The following DCC variants were observed in gnomAD, a reference collection of about 807,000 sequenced individuals.
DCC encodes netrin receptor DCC.
DCC carries 58 observed loss-of-function variants against 172.5 expected under a neutral mutation model. The ratio of observed to expected loss-of-function variants is 0.34; its 90% CI spans 0.27 to 0.42. DCC has a LOEUF of 0.42. Among genes scored for constraint, DCC ranks in the 10% least tolerant of loss-of-function variants. The pLI, the probability that DCC is intolerant of heterozygous loss-of-function variation, is 1.00. For synonymous variants in DCC, 709 were observed against 644.5 expected, an observed-to-expected ratio of 1.10 and a Z score of -1.52; for missense variants, 1,740 against 1,791.0, an observed-to-expected ratio of 0.97 and a Z score of 0.51.
At chr18:52,841,553 G>T (rs2038807597) in intron 2 of DCC, among the ~76,000 whole-genome samples, 3 of 152,154 alleles carry the variant, frequency 2.0e-5, no homozygotes, top group Admixed American at 2.0e-4. Flanking sequence ...AAGTGACAAT[G>T]AACTGGGATG....
intron 1 of DCC, among the ~76,000 whole-genome samples, chr18:52,391,972 G>C (rs1380630248): frequency 2.0e-5 from 3 of 152,174 alleles, no homozygotes; most frequent in Non-Finnish European, 4.4e-5. Context: ...AAAGCTGCCA[G>C]TGTAGCGCTA....
intron 1 of DCC, among the ~76,000 whole-genome samples, chr18:52,515,624 A>AAAAAAAAAAAAAAAAAC (rs1386143652): frequency 7.0e-6 from 1 of 141,958 alleles, no homozygotes; most frequent in Non-Finnish European, 1.5e-5. Context: ...AAAAAAAAAA[A>AAAAAAAAAAAAAAAAAC]AATCATACAG....
chr18:52,635,235 CA>C (rs1464832789), intron 1 of DCC, among the ~76,000 whole-genome samples: 1 of 152,188 alleles, frequency 6.6e-6, no homozygotes, highest in Admixed American at 6.5e-5. Context: ...CCAAGAAACT[CA>C]AAAATCTCTG....
intron 2 of DCC, among the ~76,000 whole-genome samples, chr18:52,874,796 A>G (rs181888472): frequency 8.5e-5 from 13 of 152,324 alleles, no homozygotes; most frequent in African/African-American, 2.9e-4. Flanking sequence ...AAGGCAGGGC[A>G]CACTACACAG....
At chr18:53,217,224 A>ACGGAATT (rs2055864972) in intron 12 of DCC, among the ~76,000 whole-genome samples, 1 of 151,288 alleles carries the variant, frequency 6.6e-6, no homozygotes, top group African/African-American at 2.4e-5. Context: ...TTTACTGAAG[A>ACGGAATT]CGGAATTCCT....
intron 1 of DCC, among the ~76,000 whole-genome samples, chr18:52,719,610 CA>C (rs34309683): frequency 1.3e-3 from 189 of 145,958 alleles, no homozygotes; most frequent in African/African-American, 4.5e-3. Flanking sequence ...ATCTAAGGAA[CA>C]AAAAAAAAAA....
chr18:52,820,000 G>T (rs150780757), intron 2 of DCC, among the ~76,000 whole-genome samples: 8 of 152,114 alleles, frequency 5.3e-5, no homozygotes, highest in African/African-American at 1.7e-4. Context: ...GATTACAGGC[G>T]TGAGCCACCA....
intron 5 of DCC, among the ~76,000 whole-genome samples, chr18:52,981,399 C>T (rs1170361079): frequency 3.3e-5 from 5 of 152,080 alleles, no homozygotes; most frequent in African/African-American, 1.2e-4. Flanking sequence ...CCTGCATCCT[C>T]CTCTCAAGTT....
chr18:52,844,376 G>A (rs1318558418), intron 2 of DCC, among the ~76,000 whole-genome samples: 1 of 152,088 alleles, frequency 6.6e-6, no homozygotes, highest in African/African-American at 2.4e-5. Flanking sequence ...CCCTGGGTAA[G>A]CACTCTTTAA....
At chr18:52,994,564 TTAC>T (rs1282504486) in intron 5 of DCC, among the ~76,000 whole-genome samples, 1 of 152,158 alleles carries the variant, frequency 6.6e-6, no homozygotes, top group African/African-American at 2.4e-5. Flanking sequence ...TTAGTGGCAA[TTAC>T]TATTATAAAA....
intron 22 of DCC, among the ~76,000 whole-genome samples, chr18:53,441,022 C>T (rs1189974511): frequency 6.6e-6 from 1 of 152,180 alleles, no homozygotes; most frequent in African/African-American, 2.4e-5. Flanking sequence ...GCATCTCTGG[C>T]CTTTACCCAC....
intron 1 of DCC, among the ~76,000 whole-genome samples, chr18:52,580,012 T>C (rs1227737117): frequency 6.6e-6 from 1 of 152,228 alleles, no homozygotes; most frequent in East Asian, 1.9e-4. Flanking sequence ...GGACATATGC[T>C]TTTGCAACTA....
intron 2 of DCC, among the ~76,000 whole-genome samples, chr18:52,888,904 G>GATATCTATATATACACACAC (rs2039606966): frequency 6.6e-6 from 1 of 151,952 alleles, no homozygotes; most frequent in East Asian, 1.9e-4. Flanking sequence ...TCTTTACACA[G>GATATCTATATATACACACAC]ATATCTATAT....
chr18:52,640,714 A>C (rs1454068581), intron 1 of DCC, among the ~76,000 whole-genome samples: 2 of 152,182 alleles, frequency 1.3e-5, no homozygotes, highest in Admixed American at 1.3e-4. Context: ...TAAATCATAG[A>C]TCACACAAAC....
chr18:53,523,319 G>C lies in DCC; in HGVS notation c.4112-3298G>C, dbSNP rs868444127. ...GAACACTTTTACACTGTTGGTGGGAGTGTAAATTAGTTCAGCCATTGTGGA... is the reference window on the plus strand; with the variant it reads ...GAACACTTTTACACTGTTGGTGGGACTGTAAATTAGTTCAGCCATTGTGGA... On this transcript the variant is annotated intron_variant, in intron 27 of 28. Transcript: ENST00000442544. 7.6e-4 allele frequency among the ~76,000 whole-genome samples: 116 copies of C among 152,146 alleles called. 7 individuals carry two copies. Among genetic ancestry groups the C allele is most frequent in the Non-Finnish European group, 4.4e-5 (3 of 68,030 alleles).
At chr18:53,337,641 T>C (rs2057606902) in intron 14 of DCC, among the ~76,000 whole-genome samples, 1 of 152,156 alleles carries the variant, frequency 6.6e-6, no homozygotes, top group Admixed American at 6.6e-5. Context: ...CAAAGGGCCA[T>C]CTTTGGGGGA....
chr18:53,386,749 G>A (rs913950416), intron 16 of DCC, among the ~76,000 whole-genome samples: 3 of 152,162 alleles, frequency 2.0e-5, no homozygotes, highest in African/African-American at 4.8e-5. Context: ...TAGTTGGACT[G>A]TAAAGGCAGT....
At chr18:52,616,718 A>G (rs1478797296) in intron 1 of DCC, among the ~76,000 whole-genome samples, 1 of 152,194 alleles carries the variant, frequency 6.6e-6, no homozygotes, top group Non-Finnish European at 1.5e-5. Flanking sequence ...GCAATTCAAA[A>G]TACAAACAGA....
At chr18:53,312,355 A>G (rs985267739) in intron 13 of DCC, among the ~76,000 whole-genome samples, 5 of 143,714 alleles carry the variant, frequency 3.5e-5, no homozygotes, top group Non-Finnish European at 3.0e-5. Flanking sequence ...AAAAAAAAAA[A>G]AAAAAAAAGA....
Sources: allele counts gnomAD v4.1 joint callset (sites outside exome capture counted in the v4.1 genomes callset), GRCh38; gene constraint gnomAD v4.1.1; transcripts MANE v1.5; gene names NCBI Gene and HGNC (gene_info 2026-07-23, HGNC 2026-07-21).